The following ARG2 variants were observed in gnomAD, a reference collection of about 807,000 sequenced individuals.
ARG2 encodes arginase-2, mitochondrial.
A neutral mutation model predicts 39.4 loss-of-function variants in ARG2; 21 were observed. That is an observed-to-expected ratio of 0.53 (90% CI 0.38 to 0.77). The LOEUF is 0.77. Ranked by LOEUF, ARG2 falls within the 30% of genes least tolerant of loss-of-function variation. The pLI, the probability that ARG2 is intolerant of heterozygous loss-of-function variation, is 0.00. For synonymous variants in ARG2, 150 were observed against 156.7 expected, an observed-to-expected ratio of 0.96 and a Z score of 0.32; for missense variants, 378 against 426.2, an observed-to-expected ratio of 0.89 and a Z score of 1.00.
At chr14:67,647,288 A>ATG (rs1410433740) in intron 6 of ARG2, 5 of 351,612 alleles carry the variant, frequency 1.4e-5, no homozygotes, top group South Asian at 1.2e-4. Flanking sequence ...ATCTTCTGAG[A>ATG]TGACAAGCAT....
intron 2 of ARG2, among the ~76,000 whole-genome samples, chr14:67,636,692 T>C (rs542971570): frequency 6.6e-6 from 1 of 152,218 alleles, no homozygotes. Context: ...AAAGGTAACA[T>C]CTGGGCCTGA....
At chr14:67,638,423 C>T (rs926086433) in intron 2 of ARG2, among the ~76,000 whole-genome samples, 2 of 151,998 alleles carry the variant, frequency 1.3e-5, no homozygotes, top group African/African-American at 2.4e-5. Flanking sequence ...TAGTAAAACC[C>T]GGGCAGTAGG....
rs572228831 is a variant in ARG2, at chr14:67,626,378, C to T, written c.184+5412C>T. Reference sequence around the variant, plus strand: ...GTGTAAAAAGATTCGACCTGTCATACACTACTGGTGTGAATGTAAAACTGC... The same window carrying T: ...GTGTAAAAAGATTCGACCTGTCATATACTACTGGTGTGAATGTAAAACTGC... On this transcript the variant is annotated intron_variant, in intron 2 of 7. Transcript: ENST00000261783. Among the ~76,000 whole-genome samples the T allele has an allele frequency of 3.3e-5, 5 of 152,294 alleles. No individual in the cohort carries two copies. In the South Asian group the frequency reaches 1.0e-3, roughly 32 times the overall value.
chr14:67,639,502 T>C (rs939708255), intron 2 of ARG2, among the ~76,000 whole-genome samples: 2 of 152,164 alleles, frequency 1.3e-5, no homozygotes, highest in East Asian at 3.8e-4. Context: ...CCTAATATTA[T>C]AAAACACCAG....
At chr14:67,631,121 T>C (rs1205583297) in intron 2 of ARG2, among the ~76,000 whole-genome samples, 1 of 152,166 alleles carries the variant, frequency 6.6e-6, no homozygotes, top group East Asian at 1.9e-4. Flanking sequence ...GTGCAACCCT[T>C]ACCCTCCACC....
chr14:67,625,216 A>C (rs1478971652), intron 2 of ARG2, among the ~76,000 whole-genome samples: 6 of 152,248 alleles, frequency 3.9e-5, no homozygotes, highest in Admixed American at 3.3e-4. Context: ...AATGGACCAA[A>C]GTCCTAAATG....
At chr14:67,635,837 G>A (rs966735903) in intron 2 of ARG2, among the ~76,000 whole-genome samples, 1 of 152,156 alleles carries the variant, frequency 6.6e-6, no homozygotes, top group Non-Finnish European at 1.5e-5. Context: ...GGGTGAAAGA[G>A]CAAAACTTCA....
chr14:67,651,131 G>A lies in ARG2; in HGVS notation c.*211G>A, dbSNP rs1270515245. ...TTTGCAGTTCACAGGGTATTAATAT[G>A]CTACAGTACTATGTAAATTTAAAGA... On this transcript the variant is annotated 3_prime_UTR_variant, in exon 8 of 8. Coordinates refer to ENST00000261783, the MANE Select transcript of ARG2 (RefSeq NM_001172.4). The A allele has an allele frequency of 1.1e-6, 1 of 898,730 alleles. No individual in the cohort carries two copies. Among genetic ancestry groups the A allele is most frequent in the African/African-American group, 1.7e-5 (1 of 59,396 alleles). 55.7% of individuals were successfully genotyped at this position (898,730 alleles called of 1,614,324 possible). A position where few individuals can be genotyped will look rare whatever the true frequency, so the allele number is the denominator to read the frequency against.
intron 2 of ARG2, among the ~76,000 whole-genome samples, chr14:67,636,182 C>G (rs2036970102): frequency 1.3e-5 from 2 of 152,176 alleles, no homozygotes; most frequent in African/African-American, 4.8e-5. Flanking sequence ...ACTTTGAAAC[C>G]CATCTCTCTT....
intron 3 of ARG2, among the ~76,000 whole-genome samples, chr14:67,643,203 C>G (rs2037055869): frequency 6.6e-6 from 1 of 152,144 alleles, no homozygotes; most frequent in South Asian, 2.1e-4. Context: ...TTATTGAGCA[C>G]TGTTCTGATA....
At chr14:67,631,434 CTTT>C (rs1319430069) in intron 2 of ARG2, among the ~76,000 whole-genome samples, 2 of 113,146 alleles carry the variant, frequency 1.8e-5, no homozygotes, top group Non-Finnish European at 1.7e-5. Context: ...TTCTTTCTTT[CTTT>C]TTTTTTTTTT....
chr14:67,640,383 A>G (rs1266973079), intron 2 of ARG2, among the ~76,000 whole-genome samples: 1 of 152,180 alleles, frequency 6.6e-6, no homozygotes, highest in Non-Finnish European at 1.5e-5. Flanking sequence ...GGAGGAAAAA[A>G]AGAATAGGAC....
intron 2 of ARG2, among the ~76,000 whole-genome samples, chr14:67,638,219 A>G (rs1463485270): frequency 1.3e-5 from 2 of 152,124 alleles, no homozygotes; most frequent in Admixed American, 1.3e-4. Flanking sequence ...TTAAAATAAT[A>G]TTATGTATTA....
At chr14:67,620,247 C>G in intron 1 of ARG2, among the ~76,000 whole-genome samples, 159 bp downstream of exon 1, 1 of 146,310 alleles carries the variant, frequency 6.8e-6, no homozygotes, top group Non-Finnish European at 1.5e-5. Flanking sequence ...ACCGTGGGAG[C>G]ATGTGGGATA....
intron 2 of ARG2, 72 bp from the exon 3 acceptor site, chr14:67,642,114 T>C (rs1165985212): frequency 2.8e-6 from 4 of 1,433,166 alleles, no homozygotes; most frequent in Admixed American, 1.8e-5. Context: ...CGTATTATCA[T>C]TGTGGCCCAG....
chr14:67,639,110 T>C (rs949804279), intron 2 of ARG2, among the ~76,000 whole-genome samples: 4 of 152,224 alleles, frequency 2.6e-5, no homozygotes, highest in Non-Finnish European at 5.9e-5. Flanking sequence ...AATCCTTCTA[T>C]GAAATTCAGT....
intron 2 of ARG2, among the ~76,000 whole-genome samples, chr14:67,639,961 C>T (rs572603442): frequency 6.7e-6 from 1 of 149,128 alleles, no homozygotes; most frequent in South Asian, 2.1e-4. Flanking sequence ...TCTGTGCAGT[C>T]CAGGATTGTG....
chr14:67,626,490 C>A (rs1264475054), intron 2 of ARG2, among the ~76,000 whole-genome samples: 1 of 152,128 alleles, frequency 6.6e-6, no homozygotes, highest in Non-Finnish European at 1.5e-5. Flanking sequence ...TATGTATATA[C>A]CTAACAGAAT....
At position 67,620,880 on chromosome 14, in the gene ARG2, T is replaced by C. The variant is rs752808765; in HGVS notation, c.112-14T>C. 3 of 1,613,962 alleles carry C rather than the reference T, an allele frequency of 1.9e-6. No homozygotes were observed. In the African/African-American group the frequency reaches 4.0e-5, roughly 22 times the overall value. ...CTTCTCTACCTCTAATTGTGTAATT[T>C]GTGTGACTGACAGAAAAGAAAAGGA... On this transcript the variant is annotated splice_polypyrimidine_tract_variant and intron_variant, in intron 1 of 7. Coordinates refer to ENST00000261783, the MANE Select transcript of ARG2 (RefSeq NM_001172.4).
Sources: gnomAD v4.1 joint callset for allele counts (sites outside exome capture counted in the v4.1 genomes callset) on GRCh38, gnomAD v4.1.1 for gene constraint, MANE v1.5 for transcripts, NCBI Gene and HGNC (gene_info 2026-07-23, HGNC 2026-07-21) for gene names.